AFG1L: variants seen among roughly 807,000 people sequenced by gnomAD.
The protein encoded by AFG1L is AFG1-like ATPase.
In AFG1L, 53 loss-of-function variants were observed where a neutral mutation model predicts 62.2. That is an observed-to-expected ratio of 0.85 (90% confidence interval 0.68 to 1.07). The LOEUF (loss-of-function observed/expected upper bound fraction) is 1.07, where lower values mean the gene tolerates loss of function less well. Ranked by LOEUF, AFG1L falls within the 50% of genes least tolerant of loss-of-function variation. The pLI is 0.00. For missense variants in AFG1L, 555 were observed against 590.5 expected, an observed-to-expected ratio of 0.94 and a Z score of 0.62; for synonymous variants, 228 against 210.3, an observed-to-expected ratio of 1.08 and a Z score of -0.73.
chr6:108,497,896 A>G (rs999967238), intron 10 of AFG1L, among the ~76,000 whole-genome samples: 23 of 152,192 alleles, frequency 1.5e-4, no homozygotes, highest in Middle Eastern at 3.2e-3. Context: ...AAATTCAATG[A>G]CATAAACTGA....
At chr6:108,498,380 T>C (rs1774049937) in intron 10 of AFG1L, among the ~76,000 whole-genome samples, 1 of 152,250 alleles carries the variant, frequency 6.6e-6, no homozygotes, top group Admixed American at 6.5e-5. Context: ...CAGTGGGTTT[T>C]AAATTATCAT....
chr6:108,328,572 T>A (rs79927606), intron 2 of AFG1L, among the ~76,000 whole-genome samples: 2 of 147,932 alleles, frequency 1.4e-5, no homozygotes, highest in African/African-American at 2.5e-5. Flanking sequence ...TTTTTTGTAT[T>A]TTTTTTTTTT....
intron 6 of AFG1L, among the ~76,000 whole-genome samples, chr6:108,390,024 G>A (rs915224444): frequency 2.6e-5 from 4 of 152,072 alleles, no homozygotes; most frequent in Admixed American, 2.6e-4. Flanking sequence ...CCAATCAGAC[G>A]TAGATTTGGT....
At chr6:108,511,102 A>G (rs1177976968) in intron 11 of AFG1L, among the ~76,000 whole-genome samples, 8 of 150,810 alleles carry the variant, frequency 5.3e-5, no homozygotes, top group African/African-American at 9.8e-5. Context: ...AAAAAAAAAA[A>G]AAGAAGAAGA....
At chr6:108,510,488 T>C in intron 11 of AFG1L, 136 bp downstream of exon 11, 1 of 656,014 alleles carries the variant, frequency 1.5e-6, no homozygotes, top group East Asian at 2.9e-5. Flanking sequence ...CATGTGTGAA[T>C]TGGGGATGAT....
At chr6:108,484,966 T>C (rs1283547133) in intron 10 of AFG1L, among the ~76,000 whole-genome samples, 1 of 152,128 alleles carries the variant, frequency 6.6e-6, no homozygotes, top group Non-Finnish European at 1.5e-5. Context: ...GAAAAAGAAA[T>C]ATCTGAAAAA....
At chr6:108,338,119 A>C (rs1015230101) in intron 2 of AFG1L, among the ~76,000 whole-genome samples, 82 of 152,122 alleles carry the variant, frequency 5.4e-4, no homozygotes, top group African/African-American at 1.9e-3. Context: ...CCGGGAGGTC[A>C]AACCTGAAGT....
At position 108,315,055 on chromosome 6, in the gene AFG1L, G is replaced by T. The variant is rs1200008983; in HGVS notation, c.140-8770G>T. On this transcript the variant is annotated intron_variant, in intron 1 of 12. Coordinates refer to ENST00000368977, the MANE Select transcript of AFG1L (RefSeq NM_145315.5). The stretch of plus-strand genomic sequence containing the variant: ...GAGGTTTCACCATGTTGGCCAGGCT[G>T]GCTTTAAGTGATCACCGCCCGCCTC... Among the ~76,000 whole-genome samples, 3 of 151,876 alleles carry T rather than the reference G, an allele frequency of 2.0e-5. No homozygotes were observed. In the East Asian group the frequency reaches 5.8e-4, roughly 29 times the overall value.
intron 11 of AFG1L, among the ~76,000 whole-genome samples, chr6:108,515,666 A>G (rs1344178423): frequency 2.0e-5 from 3 of 152,162 alleles, no homozygotes; most frequent in Non-Finnish European, 4.4e-5. Context: ...AGAACGGAAG[A>G]AAATAGAGAC....
intron 4 of AFG1L, 85 bp downstream of exon 4, chr6:108,355,840 T>A: frequency 1.1e-6 from 1 of 910,670 alleles, no homozygotes; most frequent in African/African-American, 1.7e-5. Flanking sequence ...ATATACTCTT[T>A]AAAAATTAGA....
chr6:108,377,996 A>G (rs1156741155), intron 6 of AFG1L, among the ~76,000 whole-genome samples: 2 of 150,838 alleles, frequency 1.3e-5, no homozygotes, highest in South Asian at 2.1e-4. Flanking sequence ...ACATTTCTCA[A>G]ATAATTTACT....
At chr6:108,493,987 T>C (rs1419018881) in intron 10 of AFG1L, among the ~76,000 whole-genome samples, 1 of 152,088 alleles carries the variant, frequency 6.6e-6, no homozygotes, top group African/African-American at 2.4e-5. Flanking sequence ...TGTGCCACCA[T>C]GCCTTGCTAA....
At chr6:108,494,792 A>G (rs1773913074) in intron 10 of AFG1L, among the ~76,000 whole-genome samples, 1 of 145,358 alleles carries the variant, frequency 6.9e-6, no homozygotes, top group South Asian at 2.2e-4. Flanking sequence ...TTTTTTTCAG[A>G]CAGAGTCTTG....
chr6:108,440,249 A>ACCT (rs780195232), intron 7 of AFG1L, among the ~76,000 whole-genome samples: 1 of 151,728 alleles, frequency 6.6e-6, no homozygotes, highest in Non-Finnish European at 1.5e-5. Context: ...GTTCATTGCA[A>ACCT]CCTCCACCTC....
chr6:108,309,771 C>CA (rs1777333180), intron 1 of AFG1L, among the ~76,000 whole-genome samples: 1 of 151,576 alleles, frequency 6.6e-6, no homozygotes, highest in Non-Finnish European at 1.5e-5. Flanking sequence ...ACTTTAAGAC[C>CA]TAATAGAAAA....
At chr6:108,431,947 A>G (rs1381384025) in intron 7 of AFG1L, among the ~76,000 whole-genome samples, 1 of 150,398 alleles carries the variant, frequency 6.6e-6, no homozygotes, top group African/African-American at 2.5e-5. Flanking sequence ...GGTCCTCCAC[A>G]GAGTTCCAGA....
intron 6 of AFG1L, among the ~76,000 whole-genome samples, chr6:108,375,750 G>A (rs1780216386): frequency 6.6e-6 from 1 of 151,912 alleles, no homozygotes; most frequent in Non-Finnish European, 1.5e-5. Flanking sequence ...GAGGATTTTG[G>A]TATCTGTGCC....
chr6:108,407,713 C>T (rs1169697394), intron 7 of AFG1L, among the ~76,000 whole-genome samples: 1 of 151,912 alleles, frequency 6.6e-6, no homozygotes, highest in Non-Finnish European at 1.5e-5. Context: ...AAAAATCAAT[C>T]CCACAGGAGG....
intron 2 of AFG1L, among the ~76,000 whole-genome samples, chr6:108,333,422 T>C (rs1454093558): frequency 6.8e-6 from 1 of 147,784 alleles, no homozygotes; most frequent in Non-Finnish European, 1.5e-5. Context: ...AAAAAAAAAA[T>C]TGATTATGGA....
Sources: gnomAD v4.1 joint callset for allele counts (sites outside exome capture counted in the v4.1 genomes callset) on GRCh38, gnomAD v4.1.1 for gene constraint, MANE v1.5 for transcripts, NCBI Gene and HGNC (gene_info 2026-07-23, HGNC 2026-07-21) for gene names.